The following SRGAP1 variants were observed in gnomAD, a reference collection of about 807,000 sequenced individuals.
SRGAP1 encodes the protein SLIT-ROBO Rho GTPase-activating protein 1.
In SRGAP1, 43 loss-of-function variants were observed where a neutral mutation model predicts 121.9. The ratio of observed to expected loss-of-function variants is 0.35; its 90% CI spans 0.28 to 0.46. The LOEUF is 0.46. SRGAP1 is among the 20% of genes least tolerant of loss of function. SRGAP1 has a pLI of 1.00. For synonymous variants in SRGAP1, 447 were observed against 485.4 expected (o/e 0.92, Z 1.04); for missense variants, 1,102 against 1,350.9 (o/e 0.82, Z 2.89).
rs1592368769 is a variant in SRGAP1, at chr12:64,157,940, A to G, written c.*15268A>G. The G allele has an allele frequency of 6.6e-6, 1 of 152,206 alleles. No individual in the cohort carries two copies. Among genetic ancestry groups the G allele is most frequent in the South Asian group, 2.1e-4 (1 of 4,826 alleles). 9.4% of individuals were successfully genotyped at this position (152,206 alleles called of 1,614,324 possible). A position where few individuals can be genotyped will look rare whatever the true frequency, so the allele number is the denominator to read the frequency against. On this transcript the variant is annotated 3_prime_UTR_variant, in exon 22 of 22. Coordinates refer to ENST00000355086, the MANE Select transcript of SRGAP1 (RefSeq NM_020762.4). ...CCACCTTAGTACGTGGCCACCATGA[A>G]GAGGAAGAGAAAGCACTTGCAATGA...
At chr12:63,850,331 A>G (rs370072526) in intron 1 of SRGAP1, among the ~76,000 whole-genome samples, 46 of 152,230 alleles carry the variant, frequency 3.0e-4, no homozygotes, top group South Asian at 1.2e-3. Flanking sequence ...AGCTCTGACA[A>G]TCTATATTGG....
intron 11 of SRGAP1, among the ~76,000 whole-genome samples, chr12:64,090,452 T>C (rs933029862): frequency 2.0e-5 from 3 of 152,230 alleles, no homozygotes; most frequent in African/African-American, 7.2e-5. Flanking sequence ...ACCCAAATTA[T>C]TTTTCTCACT....
chr12:64,152,470 T>C lies in SRGAP1; in HGVS notation c.*9798T>C, dbSNP rs2037128934. 6.6e-6 allele frequency: 1 copy of C among 152,210 alleles called. No individual in the cohort carries two copies. Among genetic ancestry groups the C allele is most frequent in the South Asian group, 2.1e-4 (1 of 4,830 alleles). 9.4% of individuals were successfully genotyped at this position (152,210 alleles called of 1,614,324 possible). The stretch of plus-strand genomic sequence containing the variant: ...CTACTGTGTCTTATTCATCTTTGTA[T>C]CTTCAAGCCTAATGCATCACTAACT... On this transcript the variant is annotated 3_prime_UTR_variant, in exon 22 of 22. Transcript: ENST00000355086.
chr12:63,917,606 G>A (rs1263641399), intron 1 of SRGAP1, among the ~76,000 whole-genome samples: 1 of 122,254 alleles, frequency 8.2e-6, no homozygotes, highest in East Asian at 2.7e-4. Context: ...CATCTAGGAT[G>A]TGAAAGAGCT....
chr12:64,098,682 A>AAT (rs1555174028), intron 15 of SRGAP1, among the ~76,000 whole-genome samples: 1,556 of 151,524 alleles, frequency 0.01, 35 homozygotes, highest in African/African-American at 0.036. Context: ...AAAAAAATAA[A>AAT]AAAATAAAAA....
intron 1 of SRGAP1, among the ~76,000 whole-genome samples, chr12:63,912,538 C>T (rs2030549332): frequency 6.6e-6 from 1 of 151,868 alleles, no homozygotes; most frequent in African/African-American, 2.4e-5. Flanking sequence ...GGCTTGAGCC[C>T]AGAAGTTTGA....
Position 63,984,140 on chromosome 12 carries a change from C to T in SRGAP1, c.261C>T (p.Tyr87=), listed in dbSNP as rs200638436. The T allele has an allele frequency of 5.5e-6, 8 of 1,447,670 alleles. No individual in the cohort carries two copies. Among genetic ancestry groups the T allele is most frequent in the East Asian group, 2.6e-5 (1 of 38,836 alleles). 89.7% of individuals were successfully genotyped at this position (1,447,670 alleles called of 1,614,324 possible). Reference sequence around the variant, plus strand: ...GAAGCACTAAGGATCATCAACAATACAAGTAAGAGATTTGAATCTAATTCA... The same window carrying T: ...GAAGCACTAAGGATCATCAACAATATAAGTAAGAGATTTGAATCTAATTCA... ...KTRSTKDHQQ[Y]KKDQNLLSPV... is the part of the protein sequence containing the mutation. Residue 87 remains tyrosine, a splice_region_variant and synonymous_variant, in exon 2 of 22, where the codon TAC becomes TAT. Transcript: ENST00000355086.
chr12:63,946,283 C>CT (rs1303246487), intron 1 of SRGAP1, among the ~76,000 whole-genome samples: 52 of 143,756 alleles, frequency 3.6e-4, no homozygotes, highest in African/African-American at 1.1e-3. Context: ...TGAATGGCTT[C>CT]TTTTTTTTTC....
At chr12:63,952,007 G>C (rs969748756) in intron 1 of SRGAP1, among the ~76,000 whole-genome samples, 2 of 152,108 alleles carry the variant, frequency 1.3e-5, no homozygotes, top group African/African-American at 4.8e-5. Context: ...AGAGTAGGAA[G>C]GGGTCAGCTT....
At chr12:64,078,883 A>T (rs753195551) in intron 8 of SRGAP1, 36 bp from the exon 9 acceptor site, 2 of 1,597,594 alleles carry the variant, frequency 1.3e-6, no homozygotes, top group African/African-American at 2.7e-5. Flanking sequence ...TTCATGAAAT[A>T]ATGTACTAAC....
chr12:63,999,638 G>A (rs1438046400), intron 3 of SRGAP1, among the ~76,000 whole-genome samples: 4 of 152,160 alleles, frequency 2.6e-5, no homozygotes, highest in African/African-American at 9.7e-5. Flanking sequence ...CGTCATATGA[G>A]AGGAGAAGGC....
rs1441588415 is a variant in SRGAP1, at chr12:64,111,787, A to G, written c.1945A>G (p.Met649Val). 2 of 1,613,852 alleles carry G rather than the reference A, an allele frequency of 1.2e-6. No homozygotes were observed. The highest frequency in any genetic ancestry group is 3.3e-5 in the Admixed American group (2 of 59,998). Residue 649 changes from methionine (M) to valine (V), a missense_variant, in exon 17 of 22, where the codon ATG becomes GTG. By Grantham distance (21) the Met-to-Val change is conservative. This residue lies in a region of SRGAP1 where 747 missense variants were observed against 929.4 expected (regional missense o/e 0.80). Transcript: ENST00000355086. ...TCTATCACAGTACAGCGATGAGAAT[A>G]TGATGGACCCTTATAACCTGGCCAT... is the stretch of plus-strand genomic sequence containing the variant. ...NHLSQYSDEN[M>V]MDPYNLAICF...
chr12:63,966,101 T>C (rs1257326061), intron 1 of SRGAP1, among the ~76,000 whole-genome samples: 5 of 152,228 alleles, frequency 3.3e-5, no homozygotes, highest in Non-Finnish European at 7.3e-5. Flanking sequence ...ATTACAGGCA[T>C]GAGACACCGT....
In SRGAP1 at chr12:63,917,618, G is replaced by C. The variant is rs555040627; in HGVS notation, c.68-66329G>C. Reference sequence around the variant, plus strand: ...CATCATCTAGGATGTGAAAGAGCTTGCTTTCTGTTTTGTTTTAAAAGGATA... The same window carrying C: ...CATCATCTAGGATGTGAAAGAGCTTCCTTTCTGTTTTGTTTTAAAAGGATA... On this transcript the variant is annotated intron_variant, in intron 1 of 21. Coordinates refer to ENST00000355086, the MANE Select transcript of SRGAP1 (RefSeq NM_020762.4). Among the ~76,000 whole-genome samples, 40 of 95,886 alleles carry C rather than the reference G, an allele frequency of 4.2e-4. No homozygotes were observed. The East Asian group carries it at 0.015, about 37-fold the overall frequency. The allele number at this position is 95,886 out of a possible 152,430, so 62.9% of individuals were successfully genotyped here.
chr12:64,059,812 C>G (rs531420278), intron 6 of SRGAP1, among the ~76,000 whole-genome samples: 5 of 152,232 alleles, frequency 3.3e-5, no homozygotes, highest in South Asian at 4.1e-4. Flanking sequence ...GAATCATTCT[C>G]TATATTTGAG....
At chr12:63,990,155 T>C in intron 3 of SRGAP1, 83 bp downstream of exon 3, 1 of 1,084,846 alleles carries the variant, frequency 9.2e-7, no homozygotes, top group Non-Finnish European at 1.3e-6. Flanking sequence ...ATCTGAAAAA[T>C]TAGGTGAATG....
Position 64,096,910 on chromosome 12 carries a change from T to C in SRGAP1, c.1679-331T>C, listed in dbSNP as rs117369972. Reference sequence around the variant, plus strand: ...ACAGGATGTAGTGTTTGAATTCATGTCAAACTAAGATTACAGATTTCAGCT... The same window carrying C: ...ACAGGATGTAGTGTTTGAATTCATGCCAAACTAAGATTACAGATTTCAGCT... On this transcript the variant is annotated intron_variant, in intron 14 of 21. Transcript: ENST00000355086. 4.7e-4 allele frequency among the ~76,000 whole-genome samples: 72 copies of C among 152,322 alleles called. 1 individual carries two copies. In the East Asian group the frequency reaches 0.013, roughly 27 times the overall value.
intron 1 of SRGAP1, among the ~76,000 whole-genome samples, chr12:63,972,436 G>A (rs914885171): frequency 2.6e-5 from 4 of 152,200 alleles, no homozygotes; most frequent in Admixed American, 1.3e-4. Context: ...GCCATAAGGA[G>A]CAAAGAATAA....
Position 63,904,440 on chromosome 12 carries a change from C to CT in SRGAP1, c.67+59558dup, listed in dbSNP as rs1227460804. Among the ~76,000 whole-genome samples the CT allele has an allele frequency of 8.5e-5, 13 of 152,104 alleles. No individual in the cohort carries two copies. The East Asian group carries it at 2.1e-3, about 25-fold the overall frequency. Reference sequence around the variant, plus strand: ...AGGAACTGAAGCAGTGTCTTAGAGACTATGAGATGGAAGTCAGGTGTTGAG... The same window carrying CT: ...AGGAACTGAAGCAGTGTCTTAGAGACTTATGAGATGGAAGTCAGGTGTTGAG... On this transcript the variant is annotated intron_variant, in intron 1 of 21. Coordinates refer to ENST00000355086, the MANE Select transcript of SRGAP1 (RefSeq NM_020762.4).
Sources: allele counts gnomAD v4.1 joint callset (sites outside exome capture counted in the v4.1 genomes callset), GRCh38; gene constraint gnomAD v4.1.1; regional missense constraint gnomAD v4.1.1; transcripts MANE v1.5; gene names NCBI Gene and HGNC (gene_info 2026-07-23, HGNC 2026-07-21).